WRAP53: variants seen among roughly 807,000 people sequenced by gnomAD.
WRAP53 encodes telomerase Cajal body protein 1.
A neutral mutation model predicts 56.6 loss-of-function variants in WRAP53; 28 were observed. That is an observed-to-expected ratio of 0.50 (90% CI 0.37 to 0.68). The LOEUF is 0.68. WRAP53 is among the 30% of genes least tolerant of loss of function. The pLI, the probability that WRAP53 is intolerant of heterozygous loss-of-function variation, is 0.00. For missense variants in WRAP53, 671 were observed against 715.5 expected, an observed-to-expected ratio of 0.94 and a Z score of 0.71; for synonymous variants, 283 against 283.4, an observed-to-expected ratio of 1.00 and a Z score of 0.01.
intron 4 of WRAP53, among the ~76,000 whole-genome samples, chr17:7,700,485 T>TAAA (rs374902947): frequency 7.1e-5 from 10 of 141,242 alleles, no homozygotes; most frequent in African/African-American, 2.6e-4. Flanking sequence ...CTGTCTCTAT[T>TAAA]AAAAAAAAAA....
intron 4 of WRAP53, among the ~76,000 whole-genome samples, chr17:7,690,996 G>A (rs1028679878): frequency 1.3e-5 from 2 of 151,894 alleles, no homozygotes; most frequent in Non-Finnish European, 2.9e-5. Context: ...GATCACCTGA[G>A]GTCAAGAGTT....
At chr17:7,699,480 A>ATATATT in intron 4 of WRAP53, among the ~76,000 whole-genome samples, 1 of 11,306 alleles carries the variant, frequency 8.8e-5, no homozygotes, top group East Asian at 3.3e-3. Flanking sequence ...ATATATTTAT[A>ATATATT]TATATATATA....
At position 7,703,236 on chromosome 17, in the gene WRAP53, C is replaced by T. The variant is rs1465007952; in HGVS notation, c.1404-7C>T. ...GCACTGATAGACCCTCCCCATCTCT[C>T]CCTCAGCCTGCACCCTAGCCTGCCT... On this transcript the variant is annotated splice_polypyrimidine_tract_variant and splice_region_variant and intron_variant, in intron 10 of 10. Transcript: ENST00000396463. 2.4e-5 allele frequency: 38 copies of T among 1,613,284 alleles called. No homozygotes were observed. Among genetic ancestry groups the T allele is most frequent in the Non-Finnish European group, 3.1e-5 (37 of 1,180,040 alleles).
chr17:7,697,340 AAAAAGAAAAAAGAGAAG>A (rs1217132032), intron 4 of WRAP53, among the ~76,000 whole-genome samples: 1 of 149,388 alleles, frequency 6.7e-6, no homozygotes, highest in Non-Finnish European at 1.5e-5. Flanking sequence ...AAAAGAAAAG[AAAAAGAAAAAAGAGAAG>A]AAAAGAAAAA....
chr17:7,690,783 G>A (rs1244907023), intron 4 of WRAP53, among the ~76,000 whole-genome samples: 5 of 151,684 alleles, frequency 3.3e-5, no homozygotes, highest in Middle Eastern at 3.5e-3. Flanking sequence ...GTGGTGGCAC[G>A]CGCCTGTAAT....
intron 4 of WRAP53, among the ~76,000 whole-genome samples, chr17:7,691,390 G>GTTTTTTTTTTTTTTTTTTTTT (rs200960465): frequency 7.1e-6 from 1 of 140,146 alleles, no homozygotes; most frequent in African/African-American, 3.0e-5. Context: ...CATGAGAGAG[G>GTTTTTTTTTTTTTTTTTTTTT]TGTTTTTTTT....
chr17:7,687,929 T>C (rs946326723), upstream of WRAP53: 1 of 255,534 alleles, frequency 3.9e-6, no homozygotes, highest in East Asian at 7.2e-5. Flanking sequence ...TATCACACCA[T>C]CTTATTTAAT....
intron 2 of WRAP53, 24 bp downstream of exon 2, chr17:7,689,103 G>T: frequency 1.2e-6 from 2 of 1,614,154 alleles, no homozygotes; most frequent in South Asian, 1.1e-5. Context: ...GCAGTGGAGT[G>T]TGGAGTCTGG....
chr17:7,694,368 G>T (rs1293759887), intron 4 of WRAP53, among the ~76,000 whole-genome samples: 2 of 149,952 alleles, frequency 1.3e-5, no homozygotes, highest in Non-Finnish European at 3.0e-5. Context: ...TCAGCTTCCT[G>T]AGTAGCTGGG....
chr17:7,701,778 G>C lies in WRAP53; in HGVS notation c.944G>C (p.Arg315Pro). 6.2e-7 allele frequency: 1 copy of C among 1,613,916 alleles called. No individual in the cohort carries two copies. Among genetic ancestry groups the C allele is most frequent in the South Asian group, 1.1e-5 (1 of 91,004 alleles). The change falls in exon 7 of 11, where the codon CGA becomes CCA. Residue 315 changes from arginine (R) to proline (P), a missense_variant. Arg to Pro is a moderately radical substitution (Grantham distance 103). This residue lies in a region of WRAP53 where 406 missense variants were observed against 418.5 expected (regional missense o/e 0.97). Coordinates refer to ENST00000396463, the MANE Select transcript of WRAP53 (RefSeq NM_001143992.2). The surrounding 1 kb of genome is among the most constrained non-coding windows in gnomAD (Gnocchi z 4.2). ...TARPGRDCEV[R>P]ATFAKKQGQS... The stretch of plus-strand genomic sequence containing the variant: ...CGGCCTGGCCGAGACTGCGAGGTCC[G>C]AGCCACATTTGGTAAGCATCTGTGC...
chr17:7,702,717 CTCCAGG>C lies in WRAP53; in HGVS notation c.1165-22_1165-17del. The C allele has an allele frequency of 6.2e-7, 1 of 1,611,712 alleles. No individual in the cohort carries two copies. The highest frequency in any genetic ancestry group is 8.5e-7 in the Non-Finnish European group (1 of 1,179,582). Reference sequence around the variant, plus strand: ...GGGACATCCAGGGCTTTGGGGGTGACTCCAGGTCCTGTTCCTTGTCTCCAGGATGCT... The same window carrying C: ...GGGACATCCAGGGCTTTGGGGGTGACTCCTGTTCCTTGTCTCCAGGATGCT... On this transcript the variant is annotated intron_variant, in intron 8 of 10. Coordinates refer to ENST00000396463, the MANE Select transcript of WRAP53 (RefSeq NM_001143992.2). This position sits in a 1 kb window ranked among gnomAD's most constrained non-coding sequence, Gnocchi z 5.0.
chr17:7,694,573 C>T (rs1457057515), intron 4 of WRAP53, among the ~76,000 whole-genome samples: 1 of 152,006 alleles, frequency 6.6e-6, no homozygotes, highest in African/African-American at 2.4e-5. Context: ...ATTTTTGTGG[C>T]TGGTGTGGTG....
At chr17:7,694,234 TTTTC>T (rs1317125156) in intron 4 of WRAP53, among the ~76,000 whole-genome samples, 2 of 145,358 alleles carry the variant, frequency 1.4e-5, no homozygotes, top group African/African-American at 2.7e-5. Context: ...TGTTTTCTTT[TTTTC>T]TTTCTTTTTT....
intron 5 of WRAP53, 139 bp downstream of exon 5, chr17:7,700,968 C>T (rs2074265801): frequency 3.0e-6 from 2 of 661,214 alleles, no homozygotes; most frequent in Middle Eastern, 4.1e-4. Context: ...CAGTTGGCTT[C>T]CTCCCCTTCC....
Position 7,701,398 on chromosome 17 carries a change from C to T in WRAP53, c.732-61C>T. ...GGGATTACAGGCATGAGCCACTGTG[C>T]CCGGCCATTCCTCCCCTTCCTTTGA... is the stretch of plus-strand genomic sequence containing the variant. On this transcript the variant is annotated intron_variant, in intron 5 of 10. Coordinates refer to ENST00000396463, the MANE Select transcript of WRAP53 (RefSeq NM_001143992.2). The surrounding 1 kb of genome is among the most constrained non-coding windows in gnomAD (Gnocchi z 4.2). 1 of 1,581,080 alleles carries T rather than the reference C, an allele frequency of 6.3e-7. No homozygotes were observed. Among genetic ancestry groups the T allele is most frequent in the Non-Finnish European group, 8.7e-7 (1 of 1,150,058 alleles).
At chr17:7,688,380 G>A (rs2151084039), upstream of WRAP53, 1 of 529,154 alleles carries the variant, frequency 1.9e-6, no homozygotes, top group East Asian at 3.3e-5. Flanking sequence ...TGGGTCGCCC[G>A]CGAAATCTGA....
chr17:7,687,873 G>A (rs1378602849), upstream of WRAP53: 2 of 351,442 alleles, frequency 5.7e-6, no homozygotes, highest in Non-Finnish European at 1.0e-5. Context: ...TTTTTAGGAA[G>A]GCTTTCCGTA....
In WRAP53 at chr17:7,701,413, C is replaced by T. The variant is rs2151096141; in HGVS notation, c.732-46C>T. On this transcript the variant is annotated intron_variant, in intron 5 of 10. Coordinates refer to ENST00000396463, the MANE Select transcript of WRAP53 (RefSeq NM_001143992.2). The surrounding 1 kb of genome is among the most constrained non-coding windows in gnomAD (Gnocchi z 4.2). ...AGCCACTGTGCCCGGCCATTCCTCC[C>T]CTTCCTTTGACAGCACCGGGGTTTC... The T allele has an allele frequency of 6.2e-7, 1 of 1,606,996 alleles. No homozygotes were observed.
intron 4 of WRAP53, among the ~76,000 whole-genome samples, chr17:7,690,235 C>A (rs2074091040): frequency 6.6e-6 from 1 of 152,238 alleles, no homozygotes; most frequent in Admixed American, 6.5e-5. Context: ...AGGTGTGAGT[C>A]ACCGTGCCTG....
Sources: gnomAD v4.1 joint callset for allele counts (sites outside exome capture counted in the v4.1 genomes callset) on GRCh38, gnomAD v4.1.1 for gene constraint, gnomAD v4.1.1 regional missense constraint, Gnocchi (gnomAD v3.1) non-coding constraint, MANE v1.5 for transcripts, NCBI Gene and HGNC (gene_info 2026-07-23, HGNC 2026-07-21) for gene names.